CACNA1B: variants seen among roughly 807,000 people sequenced by gnomAD.
The protein encoded by CACNA1B is voltage-dependent N-type calcium channel subunit alpha-1B.
Under a neutral mutation model 247.2 loss-of-function variants are expected in CACNA1B, and 70 were observed. That is an observed-to-expected ratio of 0.28 (90% confidence interval 0.23 to 0.35). The LOEUF is 0.35. Among genes scored for constraint, CACNA1B ranks in the 10% least tolerant of loss-of-function variants. The pLI is 1.00. For synonymous variants in CACNA1B, 1,231 were observed against 1,294.4 expected (o/e 0.95, Z 1.05); for missense variants, 2,367 against 3,197.4 (o/e 0.74, Z 6.26).
chr9:138,120,336 G>C lies in CACNA1B; in HGVS notation c.6202G>C (p.Glu2068Gln), dbSNP rs905629258. 2 of 1,558,924 alleles carry C rather than the reference G, an allele frequency of 1.3e-6. No homozygotes were observed. The highest frequency in any genetic ancestry group is 1.7e-6 in the Non-Finnish European group (2 of 1,158,102). The stretch of plus-strand genomic sequence containing the variant: ...CAGGGACAGGAAGCAGAGGTCCCTG[G>C]AGAAGGGGCCCAGCCTGTCTGCCGA... The part of the protein sequence containing the change: ...RRRDRKQRSL[E>Q]KGPSLSADMD... The change falls in exon 45 of 47, where the codon GAG becomes CAG. Residue 2068 changes from glutamate (E) to glutamine (Q), a missense_variant. Physicochemically the swap from Glu to Gln is conservative, Grantham distance 29. Transcript: ENST00000371372.
intron 12 of CACNA1B, 110 bp downstream of exon 12, chr9:137,976,129 G>A: frequency 1.4e-6 from 1 of 690,308 alleles, no homozygotes; most frequent in South Asian, 1.8e-5. Context: ...GACCCTACAT[G>A]GGTCAGAAAG....
chr9:138,074,313 T>A (rs897559857), intron 34 of CACNA1B, among the ~76,000 whole-genome samples: 4 of 151,838 alleles, frequency 2.6e-5, no homozygotes, highest in Non-Finnish European at 5.9e-5. Context: ...TGATCTTGGC[T>A]CACTGCAACC....
At chr9:138,044,204 C>G (rs528877490) in intron 21 of CACNA1B, among the ~76,000 whole-genome samples, 2 of 152,348 alleles carry the variant, frequency 1.3e-5, no homozygotes, top group South Asian at 4.1e-4. Flanking sequence ...AAACACACTT[C>G]CATCCATCTG....
intron 26 of CACNA1B, among the ~76,000 whole-genome samples, chr9:138,055,610 ATG>A (rs1333293963): frequency 2.0e-5 from 3 of 152,172 alleles, no homozygotes; most frequent in Non-Finnish European, 4.4e-5. Flanking sequence ...GTTGATTTTT[ATG>A]TGTTACATAA....
rs1371263881 is a variant in CACNA1B at position 137,954,902 on chromosome 9, G to T, written c.1071-796G>T. Among the ~76,000 whole-genome samples the T allele has an allele frequency of 1.3e-5, 2 of 151,066 alleles. No individual in the cohort carries two copies. The highest frequency in any genetic ancestry group is 2.9e-5 in the Non-Finnish European group (2 of 67,922). ...TGTGAGAGAGAGAGAGAGAGAGAGA[G>T]GGGGAGAGAGAGAGAGAGAGAATGG... On this transcript the variant is annotated intron_variant, in intron 7 of 46. Coordinates refer to ENST00000371372, the MANE Select transcript of CACNA1B (RefSeq NM_000718.4). The surrounding 1 kb of genome is among the most constrained non-coding windows in gnomAD (Gnocchi z 4.1).
At chr9:138,064,095 C>T (rs1343585083) in intron 31 of CACNA1B, among the ~76,000 whole-genome samples, 1 of 152,196 alleles carries the variant, frequency 6.6e-6, no homozygotes, top group Non-Finnish European at 1.5e-5. Flanking sequence ...TGCGCACACT[C>T]TGAGATGGAG....
At chr9:138,041,968 C>T (rs1362358681) in intron 20 of CACNA1B, among the ~76,000 whole-genome samples, 1 of 152,064 alleles carries the variant, frequency 6.6e-6, no homozygotes, top group African/African-American at 2.4e-5. Flanking sequence ...CACCATCTTG[C>T]CCAGGATGGT....
intron 20 of CACNA1B, among the ~76,000 whole-genome samples, chr9:138,035,953 A>G (rs1244209705): frequency 1.3e-5 from 2 of 152,140 alleles, no homozygotes; most frequent in African/African-American, 2.4e-5. Context: ...TGTTTGATTC[A>G]TGAGTTTTTA....
In CACNA1B at chr9:138,054,122, G is replaced by A; in HGVS notation, c.3968+116G>A. 1 of 977,084 alleles carries A rather than the reference G, an allele frequency of 1.0e-6. No individual in the cohort carries two copies. Among genetic ancestry groups the A allele is most frequent in the Non-Finnish European group, 1.6e-6 (1 of 628,288 alleles). The allele number at this position is 977,084 out of a possible 1,614,324, so 60.5% of individuals were successfully genotyped here. ...ACGGCGTGGGAGACTCCACTGCAGA[G>A]CATCACGGACCCTGCCTGAGGGCCG... On this transcript the variant is annotated intron_variant, in intron 26 of 46. Coordinates refer to ENST00000371372, the MANE Select transcript of CACNA1B (RefSeq NM_000718.4). This position sits in a 1 kb window ranked among gnomAD's most constrained non-coding sequence, Gnocchi z 4.6.
rs141405423 is a variant in CACNA1B at position 138,082,895 on chromosome 9, A to C, written c.5094+4637A>C. 2.6e-5 allele frequency among the ~76,000 whole-genome samples: 4 copies of C among 151,220 alleles called. 1 individual carries two copies. The East Asian group carries it at 8.2e-4, about 31-fold the overall frequency. ...GTGAGCACAGAAACTTGGGATGGCCACTTAGAGAATGGAATGAAACACCAA... is the reference window on the plus strand; with the variant it reads ...GTGAGCACAGAAACTTGGGATGGCCCCTTAGAGAATGGAATGAAACACCAA... On this transcript the variant is annotated intron_variant, in intron 36 of 46. Transcript: ENST00000371372.
chr9:137,897,532 A>C (rs539808458), intron 3 of CACNA1B, among the ~76,000 whole-genome samples: 1 of 152,168 alleles, frequency 6.6e-6, no homozygotes, highest in Non-Finnish European at 1.5e-5. Flanking sequence ...ATGAGCCGAG[A>C]TCGTGCCACT....
intron 35 of CACNA1B, 139 bp downstream of exon 35, chr9:138,076,049 C>A (rs1264899969): frequency 1.9e-5 from 12 of 638,524 alleles, no homozygotes; most frequent in East Asian, 5.5e-5. Flanking sequence ...CCTCAGCAGG[C>A]CTTTCTGGTT....
intron 32 of CACNA1B, among the ~76,000 whole-genome samples, chr9:138,071,075 G>C (rs540574375): frequency 6.6e-6 from 1 of 152,372 alleles, no homozygotes; most frequent in African/African-American, 2.4e-5. Context: ...GTGGGTCACT[G>C]TCATGGCACG....
At chr9:138,069,175 T>C (rs1343465170) in intron 31 of CACNA1B, among the ~76,000 whole-genome samples, 1 of 152,204 alleles carries the variant, frequency 6.6e-6, no homozygotes, top group African/African-American at 2.4e-5. Flanking sequence ...TTTGTTTTGT[T>C]TGTGTGTCTG....
At chr9:138,091,457 GTT>G (rs1403556853) in intron 36 of CACNA1B, among the ~76,000 whole-genome samples, 1 of 152,160 alleles carries the variant, frequency 6.6e-6, no homozygotes, top group Non-Finnish European at 1.5e-5. Flanking sequence ...GGTGAAATAA[GTT>G]TGAGTCTTCT....
intron 6 of CACNA1B, among the ~76,000 whole-genome samples, chr9:137,942,398 G>C (rs1331998053): frequency 1.3e-5 from 2 of 152,208 alleles, no homozygotes; most frequent in African/African-American, 4.8e-5. Flanking sequence ...AGTACAACCA[G>C]TATGGGAAAC....
chr9:138,078,989 A>G (rs538113932), intron 36 of CACNA1B, among the ~76,000 whole-genome samples: 93 of 152,322 alleles, frequency 6.1e-4, no homozygotes, highest in Middle Eastern at 3.4e-3. Flanking sequence ...AGAGATGCCC[A>G]GCGACCTCTG....
Position 137,952,343 on chromosome 9 carries a change from T to G in CACNA1B, c.1036T>G (p.Phe346Val). The change falls in exon 7 of 47, where the codon TTC becomes GTC. Residue 346 changes from phenylalanine to valine, a missense_variant. Transcript: ENST00000371372. This position sits in a 1 kb window ranked among gnomAD's most constrained non-coding sequence, Gnocchi z 4.8. Reference sequence around the variant, plus strand: ...CCCTCTCATCATCATCGGCTCCTTCTTCATGCTCAACCTGGTGCTGGGCGT... The same window carrying G: ...CCCTCTCATCATCATCGGCTCCTTCGTCATGCTCAACCTGGTGCTGGGCGT... ...FIPLIIIGSF[F>V]MLNLVLGVLS... The G allele has an allele frequency of 6.2e-7, 1 of 1,613,796 alleles. No individual in the cohort carries two copies. Among genetic ancestry groups the G allele is most frequent in the Non-Finnish European group, 8.5e-7 (1 of 1,179,806 alleles).
At position 137,954,906 on chromosome 9, in the gene CACNA1B, G is replaced by GGC. The variant is rs1491213489; in HGVS notation, c.1071-792_1071-791insGC. Among the ~76,000 whole-genome samples the GGC allele has an allele frequency of 4.1e-4, 62 of 150,398 alleles. No individual in the cohort carries two copies. The highest frequency in any genetic ancestry group is 1.5e-3 in the African/African-American group (59 of 40,542). On this transcript the variant is annotated intron_variant, in intron 7 of 46. Coordinates refer to ENST00000371372, the MANE Select transcript of CACNA1B (RefSeq NM_000718.4). The surrounding 1 kb of genome is among the most constrained non-coding windows in gnomAD (Gnocchi z 4.1). Reference sequence around the variant, plus strand: ...AGAGAGAGAGAGAGAGAGAGAGGGGGAGAGAGAGAGAGAGAGAATGGCTTG... The same window carrying GGC: ...AGAGAGAGAGAGAGAGAGAGAGGGGGGCAGAGAGAGAGAGAGAGAATGGCTTG...
Sources: allele counts gnomAD v4.1 joint callset (sites outside exome capture counted in the v4.1 genomes callset), GRCh38; gene constraint gnomAD v4.1.1; non-coding constraint Gnocchi (gnomAD v3.1); transcripts MANE v1.5; gene names NCBI Gene and HGNC (gene_info 2026-07-23, HGNC 2026-07-21).